PLCG2: variants seen among roughly 807,000 people sequenced by gnomAD.
PLCG2 encodes phospholipase C gamma 2.
A neutral mutation model predicts 175.6 loss-of-function variants in PLCG2; 69 were observed. The observed-to-expected ratio is 0.39, with a 90% confidence interval of 0.32 to 0.48. The LOEUF (loss-of-function observed/expected upper bound fraction) is 0.48, where lower values mean the gene tolerates loss of function less well. Among genes scored for constraint, PLCG2 ranks in the 20% least tolerant of loss-of-function variants. The pLI, the probability that PLCG2 is intolerant of heterozygous loss-of-function variation, is 0.91. For missense variants in PLCG2, 1,798 were observed against 1,650.9 expected, an observed-to-expected ratio of 1.09 and a Z score of -1.54; for synonymous variants, 827 against 624.0, an observed-to-expected ratio of 1.33 and a Z score of -4.85.
intron 2 of PLCG2, among the ~76,000 whole-genome samples, chr16:81,757,935 C>A (rs1442920250): frequency 2.6e-5 from 4 of 152,142 alleles, no homozygotes; most frequent in Non-Finnish European, 2.9e-5. Flanking sequence ...TGTCAGGCTT[C>A]TTTCACTTAG....
intron 2 of PLCG2, among the ~76,000 whole-genome samples, chr16:81,792,504 A>AAAAAAAAC (rs1567466663): frequency 6.8e-6 from 1 of 147,666 alleles, no homozygotes; most frequent in Non-Finnish European, 1.5e-5. Flanking sequence ...AAAAAAAAAA[A>AAAAAAAAC]AAAAAAAGAC....
intron 2 of PLCG2, chr16:81,852,029 T>A (rs1906443493): frequency 6.6e-6 from 1 of 152,324 alleles, no homozygotes; most frequent in Non-Finnish European, 1.5e-5. Context: ...GACTTCGTTC[T>A]GTCCTCTTCC....
intron 21 of PLCG2, among the ~76,000 whole-genome samples, chr16:81,921,782 G>T (rs1015333143): frequency 1.3e-5 from 2 of 152,160 alleles, no homozygotes; most frequent in African/African-American, 4.8e-5. Flanking sequence ...TTCTGTTTGG[G>T]GGCCATGTGG....
chr16:81,787,393 A>ATTTTTTTTTTTT (rs67160306), intron 2 of PLCG2, among the ~76,000 whole-genome samples: 4,048 of 94,402 alleles, frequency 0.043, 444 homozygotes, highest in African/African-American at 0.077. Context: ...GGATAATTTA[A>ATTTTTTTTTTTT]TTTTTTTTTT....
intron 1 of PLCG2, among the ~76,000 whole-genome samples, chr16:81,747,498 G>A (rs1193988074): frequency 3.9e-5 from 6 of 152,130 alleles, no homozygotes; most frequent in African/African-American, 1.4e-4. Flanking sequence ...TTGTGCCCCT[G>A]CACTCCAGCC....
At position 81,878,966 on chromosome 16, in the gene PLCG2, G is replaced by T. The variant is rs186451692; in HGVS notation, c.649-1944G>T. Among the ~76,000 whole-genome samples the T allele has an allele frequency of 2.8e-4, 42 of 152,276 alleles. 1 individual carries two copies. Among genetic ancestry groups the T allele is most frequent in the African/African-American group, 1.0e-3 (42 of 41,560 alleles). On this transcript the variant is annotated intron_variant, in intron 7 of 32. Transcript: ENST00000564138. ...TTCCGGTTGCTTCAACAAGCAGAGT[G>T]TCCGGGCAGGGAGTTGCAAGACCTG... is the stretch of plus-strand genomic sequence containing the variant.
intron 2 of PLCG2, among the ~76,000 whole-genome samples, chr16:81,806,323 G>A: frequency 6.6e-6 from 1 of 152,030 alleles, no homozygotes. Context: ...TCATCATAGT[G>A]GTGCTCCCTG....
chr16:81,910,176 C>T (rs111456261), intron 17 of PLCG2, among the ~76,000 whole-genome samples: 5,935 of 152,090 alleles, frequency 0.039, 378 homozygotes, highest in African/African-American at 0.13. Context: ...CTGCAACCTT[C>T]GTCTCCCAGG....
chr16:81,847,277 C>T (rs542031871), intron 2 of PLCG2, among the ~76,000 whole-genome samples: 65 of 152,268 alleles, frequency 4.3e-4, no homozygotes, highest in African/African-American at 1.4e-3. Context: ...GCATGCCACC[C>T]GCCAGAAACT....
At chr16:81,780,056 C>T (rs1036314985) in intron 1 of PLCG2, among the ~76,000 whole-genome samples, 36 of 152,160 alleles carry the variant, frequency 2.4e-4, no homozygotes, top group African/African-American at 8.7e-4. Context: ...TAAAGACGTG[C>T]CCCGTTTGGA....
chr16:81,813,260 G>A (rs769841367), intron 2 of PLCG2, among the ~76,000 whole-genome samples: 8 of 152,188 alleles, frequency 5.3e-5, no homozygotes, highest in African/African-American at 1.9e-4. Context: ...ATTACTTTGG[G>A]CAGTATGGCC....
rs565242821 is a variant in PLCG2, at chr16:81,871,487, C to A, written c.648+552C>A. Among the ~76,000 whole-genome samples the A allele has an allele frequency of 5.4e-4, 82 of 152,140 alleles. No individual in the cohort carries two copies. In the Middle Eastern group the frequency reaches 0.01, roughly 19 times the overall value. ...CCCAGTAGCTGGGATTGCAGACGTG[C>A]GCCACCACGCCCAGCTAATTTTGTA... On this transcript the variant is annotated intron_variant, in intron 7 of 32. Coordinates refer to ENST00000564138, the MANE Select transcript of PLCG2 (RefSeq NM_002661.5).
At chr16:81,786,520 C>T (rs77437293) in intron 2 of PLCG2, among the ~76,000 whole-genome samples, 21,180 of 152,222 alleles carry the variant, frequency 0.14, 1,743 homozygotes, top group Non-Finnish European at 0.19. Flanking sequence ...GTCATCTTTC[C>T]TCTTAAGGGC....
intron 24 of PLCG2, 104 bp downstream of exon 24, chr16:81,928,728 T>A (rs1435523228): frequency 1.3e-5 from 10 of 759,390 alleles, no homozygotes; most frequent in Non-Finnish European, 1.9e-5. Flanking sequence ...GGTCCTGTCT[T>A]GAATGCCAGC....
At chr16:81,910,764 T>G in intron 18 of PLCG2, 44 bp downstream of exon 18, 9 of 1,557,896 alleles carry the variant, frequency 5.8e-6, no homozygotes, top group Non-Finnish European at 7.9e-6. Flanking sequence ...GTGGTCGGGT[T>G]AGCTCCACCA....
chr16:81,905,302 T>C (rs1909317961), intron 14 of PLCG2, 101 bp from the exon 15 acceptor site: 1 of 764,036 alleles, frequency 1.3e-6, no homozygotes, highest in African/African-American at 1.7e-5. Context: ...GAACAGGCAG[T>C]GCAAAGGCCC....
rs186209561 is a variant in PLCG2, at chr16:81,933,285, C to G, written c.2740-1144C>G. ...GACGGAGTTCCCACACTGGGCACAG[C>G]TACCCCTTTTGCGGAGCTGGTGTTG... On this transcript the variant is annotated intron_variant, in intron 25 of 32. Transcript: ENST00000564138. 1.8e-4 allele frequency among the ~76,000 whole-genome samples: 28 copies of G among 152,338 alleles called. No individual in the cohort carries two copies. The East Asian group carries it at 4.8e-3, about 26-fold the overall frequency.
At chr16:81,913,666 G>C (rs893484258) in intron 19 of PLCG2, among the ~76,000 whole-genome samples, 2 of 152,226 alleles carry the variant, frequency 1.3e-5, no homozygotes, top group Non-Finnish European at 2.9e-5. Context: ...TGAAAAATGG[G>C]AGGCAGTGGA....
intron 17 of PLCG2, among the ~76,000 whole-genome samples, chr16:81,910,010 T>TG (rs1909547456): frequency 7.9e-5 from 1 of 12,690 alleles, no homozygotes; most frequent in Admixed American, 1.4e-3. Flanking sequence ...GGGGATGGGG[T>TG]GGGGTGGGGT....
Sources: gnomAD v4.1 joint callset for allele counts (sites outside exome capture counted in the v4.1 genomes callset) on GRCh38, gnomAD v4.1.1 for gene constraint, MANE v1.5 for transcripts, NCBI Gene and HGNC (gene_info 2026-07-23, HGNC 2026-07-21) for gene names.